WDR26: variants seen among roughly 807,000 people sequenced by gnomAD.
WDR26 encodes WD repeat-containing protein 26.
A neutral mutation model predicts 84.1 loss-of-function variants in WDR26; 5 were observed. The observed-to-expected ratio is 0.06, with a 90% CI of 0.03 to 0.13. The LOEUF (loss-of-function observed/expected upper bound fraction) is 0.13, where lower values mean the gene tolerates loss of function less well. Ranked by LOEUF, WDR26 falls within the 10% of genes least tolerant of loss-of-function variation. The pLI is 1.00. For synonymous variants in WDR26, 415 were observed against 389.6 expected (o/e 1.07, Z -0.77); for missense variants, 642 against 974.9 (o/e 0.66, Z 4.55).
rs1371607594 is a variant in WDR26, at chr1:224,386,133, G to T, written c.*3702C>A. 1 of 152,534 alleles carries T rather than the reference G, an allele frequency of 6.6e-6. No homozygotes were observed. Among genetic ancestry groups the T allele is most frequent in the African/African-American group, 2.4e-5 (1 of 41,424 alleles). 9.4% of individuals were successfully genotyped at this position (152,534 alleles called of 1,614,324 possible). On this transcript the variant is annotated 3_prime_UTR_variant, in exon 14 of 14. Transcript: ENST00000414423. ...AACAACACTGAAAAATTTCAATTAA[G>T]TTCACCCTGTTTTTAGAAAGTGTCT...
intron 12 of WDR26, among the ~76,000 whole-genome samples, chr1:224,396,817 G>T (rs1673276687): frequency 6.6e-6 from 1 of 152,068 alleles, no homozygotes; most frequent in East Asian, 1.9e-4. Flanking sequence ...GGGGCTACTT[G>T]AGGGGCTGAG....
chr1:224,416,870 T>C (rs1673919032), intron 6 of WDR26, among the ~76,000 whole-genome samples: 1 of 152,218 alleles, frequency 6.6e-6, no homozygotes, highest in South Asian at 2.1e-4. Context: ...CTATTATCTC[T>C]TCCTATTGCT....
chr1:224,422,788 G>A (rs1674101969), intron 4 of WDR26, among the ~76,000 whole-genome samples: 1 of 152,102 alleles, frequency 6.6e-6, no homozygotes, highest in African/African-American at 2.4e-5. Context: ...TATTCTAGGA[G>A]AGATGTCCAT....
At chr1:224,401,690 G>GGA (rs1673421225) in intron 8 of WDR26, among the ~76,000 whole-genome samples, 1 of 84,050 alleles carries the variant, frequency 1.2e-5, no homozygotes, top group Non-Finnish European at 2.4e-5. Context: ...AAAAAAAAAA[G>GGA]AAAAAAAAAA....
In WDR26 at chr1:224,393,892, G is replaced by A. The variant is rs779601393; in HGVS notation, c.2196C>T (p.Ala732=). 5 of 1,592,772 alleles carry A rather than the reference G, an allele frequency of 3.1e-6. No homozygotes were observed. Among genetic ancestry groups the A allele is most frequent in the East Asian group, 2.2e-5 (1 of 44,564 alleles). ...ATATTCTAACAGTGCCATCATCTGAGGCGCTGGCCATCATGGATGGAATCT... is the reference window on the plus strand; with the variant it reads ...ATATTCTAACAGTGCCATCATCTGAAGCGCTGGCCATCATGGATGGAATCT... The change falls in exon 13 of 14, where the codon GCC becomes GCT. Residue 732 remains alanine (A), a synonymous_variant. Transcript: ENST00000414423.
At position 224,411,552 on chromosome 1, in the gene WDR26, A is replaced by C; in HGVS notation, c.1333T>G (p.Cys445Gly). 1 of 1,605,224 alleles carries C rather than the reference A, an allele frequency of 6.2e-7. No homozygotes were observed. Among genetic ancestry groups the C allele is most frequent in the East Asian group, 2.2e-5 (1 of 44,668 alleles). Reference sequence around the variant, plus strand: ...TCCGTAAGTATCTGCTGCGTATAACATGGGAACTGCCTCCTAAAACAAAGA... The same window carrying C: ...TCCGTAAGTATCTGCTGCGTATAACCTGGGAACTGCCTCCTAAAACAAAGA... The change falls in exon 7 of 14, where the codon TGT (cysteine) becomes GGT (glycine). Residue 445 changes from cysteine to glycine, a missense_variant. Cys to Gly is a radical substitution (Grantham distance 159). Transcript: ENST00000414423.
At chr1:224,397,129 C>G (rs1673288734) in intron 12 of WDR26, among the ~76,000 whole-genome samples, 1 of 152,084 alleles carries the variant, frequency 6.6e-6, no homozygotes, top group South Asian at 2.1e-4. Flanking sequence ...ATTCCTTGGT[C>G]TATCTTATAA....
chr1:224,410,419 T>C (rs1043565804), intron 7 of WDR26, among the ~76,000 whole-genome samples: 1 of 152,108 alleles, frequency 6.6e-6, no homozygotes, highest in Non-Finnish European at 1.5e-5. Flanking sequence ...AATGTTCAAT[T>C]AGTTGAAATA....
rs1372476522 is a variant in WDR26, at chr1:224,385,989, C to A, written c.*3846G>T. The A allele has an allele frequency of 4.6e-5, 7 of 152,254 alleles. No individual in the cohort carries two copies. The highest frequency in any genetic ancestry group is 1.7e-4 in the African/African-American group (7 of 41,448). 9.4% of individuals were successfully genotyped at this position (152,254 alleles called of 1,614,324 possible). ...CTCTCACACACACACAGAACACACA[C>A]ACACATTTTTATACTATTGGTTTTG... On this transcript the variant is annotated 3_prime_UTR_variant, in exon 14 of 14. Transcript: ENST00000414423.
chr1:224,416,232 T>C (rs2102910800), intron 6 of WDR26, among the ~76,000 whole-genome samples: 1 of 146,048 alleles, frequency 6.8e-6, no homozygotes, highest in Non-Finnish European at 1.5e-5. Context: ...TTTTTCTTTC[T>C]TTTTTTTTTT....
At position 224,389,777 on chromosome 1, in the gene WDR26, G is replaced by C; in HGVS notation, c.*58C>G. On this transcript the variant is annotated 3_prime_UTR_variant, in exon 14 of 14. Coordinates refer to ENST00000414423, the MANE Select transcript of WDR26 (RefSeq NM_001379403.1). ...CATGTTTGTTTGCACCAAATCCCAA[G>C]CCATTAAAATACGACTAATTTTAAG... 6.6e-7 allele frequency: 1 copy of C among 1,508,974 alleles called. No homozygotes were observed. The highest frequency in any genetic ancestry group is 1.1e-5 in the South Asian group (1 of 88,756). 93.5% of individuals were successfully genotyped at this position (1,508,974 alleles called of 1,614,324 possible). A position where few individuals can be genotyped will look rare whatever the true frequency, so the allele number is the denominator to read the frequency against.
intron 6 of WDR26, among the ~76,000 whole-genome samples, chr1:224,417,982 T>G (rs1246774601): frequency 6.6e-6 from 1 of 152,148 alleles, no homozygotes; most frequent in African/African-American, 2.4e-5. Context: ...AGTAAATAAT[T>G]TGGGACATAG....
At chr1:224,404,408 A>G in intron 8 of WDR26, 22 bp downstream of exon 8, 1 of 1,611,198 alleles carries the variant, frequency 6.2e-7, no homozygotes, top group Non-Finnish European at 8.5e-7. Context: ...TAAAAGCTCA[A>G]CCAAAGATGG....
At chr1:224,402,237 A>G (rs1673439417) in intron 8 of WDR26, 1 of 152,232 alleles carries the variant, frequency 6.6e-6, no homozygotes, top group Admixed American at 6.5e-5. Flanking sequence ...ACTGGAAAAA[A>G]AGTGTTCAGC....
At chr1:224,395,225 T>C (rs1437272791) in intron 12 of WDR26, among the ~76,000 whole-genome samples, 6 of 152,196 alleles carry the variant, frequency 3.9e-5, no homozygotes, top group Non-Finnish European at 7.3e-5. Flanking sequence ...TTAAATATAT[T>C]TGTATGTGGA....
intron 6 of WDR26, 77 bp downstream of exon 6, chr1:224,418,183 G>C: frequency 7.8e-7 from 1 of 1,284,490 alleles, no homozygotes; most frequent in Non-Finnish European, 1.1e-6. Flanking sequence ...ATAGCTACAG[G>C]ATAAGACTCT....
At chr1:224,411,784 T>C (rs970173072) in intron 6 of WDR26, among the ~76,000 whole-genome samples, 1 of 151,938 alleles carries the variant, frequency 6.6e-6, no homozygotes, top group African/African-American at 2.4e-5. Context: ...TAGATCACTG[T>C]AGCCCTGACC....
At chr1:224,431,248 A>G in intron 3 of WDR26, 1 of 418,070 alleles carries the variant, frequency 2.4e-6, no homozygotes, top group Non-Finnish European at 4.3e-6. Context: ...AGCTTTCAAT[A>G]TATTTTTTGT....
intron 13 of WDR26, among the ~76,000 whole-genome samples, chr1:224,391,093 A>G (rs1673110531): frequency 6.6e-6 from 1 of 152,014 alleles, no homozygotes; most frequent in South Asian, 2.1e-4. Flanking sequence ...CTTAAAAAAA[A>G]AAATATCATG....
Sources: allele counts gnomAD v4.1 joint callset (sites outside exome capture counted in the v4.1 genomes callset), GRCh38; gene constraint gnomAD v4.1.1; transcripts MANE v1.5; gene names NCBI Gene and HGNC (gene_info 2026-07-23, HGNC 2026-07-21).